The following IQCH variants were observed in gnomAD, a reference collection of about 807,000 sequenced individuals.
IQCH encodes the protein IQ domain-containing protein H.
A neutral mutation model predicts 117.0 loss-of-function variants in IQCH; 98 were observed. The observed-to-expected ratio is 0.84, with a 90% CI of 0.71 to 0.99. The LOEUF is 0.99. Among genes scored for constraint, IQCH ranks in the 50% least tolerant of loss-of-function variants. IQCH has a pLI of 0.00. For missense variants in IQCH, 1,102 were observed against 1,243.8 expected, an observed-to-expected ratio of 0.89 and a Z score of 1.72; for synonymous variants, 412 against 448.2, an observed-to-expected ratio of 0.92 and a Z score of 1.02.
intron 16 of IQCH, among the ~76,000 whole-genome samples, chr15:67,438,704 G>A (rs1288592594): frequency 6.6e-6 from 1 of 152,108 alleles, no homozygotes; most frequent in Non-Finnish European, 1.5e-5. Context: ...AACTTAAAGG[G>A]GTGAAAAAAG....
rs1970709280 is a variant in IQCH, at chr15:67,375,600, TTTG to T, written c.1372+2170_1372+2172del. 4.6e-5 allele frequency among the ~76,000 whole-genome samples: 7 copies of T among 152,236 alleles called. 1 individual carries two copies. The South Asian group carries it at 6.2e-4, about 14-fold the overall frequency. ...GTCTTCCCTAATGTAGCAATTTTTG[TTTG>T]TTAACAACATGATACCCATTTTAAA... On this transcript the variant is annotated intron_variant, in intron 10 of 20. Coordinates refer to ENST00000335894, the MANE Select transcript of IQCH (RefSeq NM_001031715.3).
chr15:67,420,021 A>T (rs2081690240), intron 15 of IQCH, among the ~76,000 whole-genome samples: 1 of 152,176 alleles, frequency 6.6e-6, no homozygotes, highest in African/African-American at 2.4e-5. Context: ...ACTTCTGTAG[A>T]TTTTTGTCAT....
At chr15:67,414,543 GTTGAGGAGTTTGGACTT>G (rs2081527165) in intron 14 of IQCH, among the ~76,000 whole-genome samples, 1 of 151,938 alleles carries the variant, frequency 6.6e-6, no homozygotes, top group Non-Finnish European at 1.5e-5. Context: ...CATCTGTCAT[GTTGAGGAGTTTGGACTT>G]GATCCTCAAG....
chr15:67,268,910 AAAAC>A (rs1011486007), intron 3 of IQCH, among the ~76,000 whole-genome samples: 15 of 149,222 alleles, frequency 1.0e-4, no homozygotes, highest in South Asian at 2.1e-4. Context: ...TTAAAACAAA[AAAAC>A]AAACTTTTAA....
rs1323339781 is a variant in IQCH, at chr15:67,500,655, CTA to C, written c.2995_2996del (p.Ile999SerfsTer12). 8.2e-6 allele frequency: 13 copies of C among 1,582,630 alleles called. No homozygotes were observed. The Admixed American group carries it at 2.2e-4, about 27-fold the overall frequency. On this transcript the variant is annotated frameshift_variant, in exon 21 of 21. Transcript: ENST00000335894. LOFTEE classifies it low-confidence loss of function (END_TRUNC). The surrounding 1 kb of genome is among the most constrained non-coding windows in gnomAD (Gnocchi z 4.4). The stretch of plus-strand genomic sequence containing the variant: ...CAGACCACCATTGCTGATATTGAAA[CTA>C]TTCTAAGAGTAACAAAGGAAAACAA...
chr15:67,272,378 AT>A (rs1316690872), intron 3 of IQCH, among the ~76,000 whole-genome samples: 1 of 152,200 alleles, frequency 6.6e-6, no homozygotes, highest in Non-Finnish European at 1.5e-5. Flanking sequence ...CCATGTGCTG[AT>A]AAAAAAGAAT....
At chr15:67,325,968 CTTT>C (rs760121473) in intron 4 of IQCH, among the ~76,000 whole-genome samples, 18 of 151,998 alleles carry the variant, frequency 1.2e-4, no homozygotes, top group African/African-American at 3.9e-4. Context: ...TTACATTAAT[CTTT>C]TTTTTATTAT....
intron 4 of IQCH, among the ~76,000 whole-genome samples, chr15:67,309,374 C>T (rs1209995847): frequency 1.3e-5 from 2 of 152,020 alleles, no homozygotes; most frequent in African/African-American, 4.8e-5. Context: ...GCTTTCTTTC[C>T]CACACAGATA....
In IQCH at chr15:67,384,989, A is replaced by C. The variant is rs747299981; in HGVS notation, c.1426A>C (p.Met476Leu). 1.7e-5 allele frequency: 27 copies of C among 1,612,002 alleles called. 1 individual carries two copies. In the South Asian group the frequency reaches 3.0e-4, roughly 18 times the overall value. The change falls in exon 11 of 21, where the codon ATG (methionine) becomes CTG (leucine). Residue 476 changes from methionine to leucine, a missense_variant. Coordinates refer to ENST00000335894, the MANE Select transcript of IQCH (RefSeq NM_001031715.3). The surrounding 1 kb of genome is among the most constrained non-coding windows in gnomAD (Gnocchi z 4.3). ...HIADFNTQQN[M>L]QLGRLCDILD... ...TGCCGATTTCAACACACAGCAGAAC[A>C]TGCAGCTGGGGAGGCTGTGTGACAT...
intron 16 of IQCH, among the ~76,000 whole-genome samples, chr15:67,452,200 A>T (rs2082544314): frequency 6.6e-6 from 1 of 152,174 alleles, no homozygotes; most frequent in Non-Finnish European, 1.5e-5. Context: ...TGTGTCTTTT[A>T]ATTGGAGCAT....
chr15:67,486,145 C>A (rs188154844), intron 18 of IQCH, among the ~76,000 whole-genome samples: 19 of 151,238 alleles, frequency 1.3e-4, no homozygotes, highest in African/African-American at 4.6e-4. Flanking sequence ...ATTCTCCTAC[C>A]TCAGCCTCCT....
chr15:67,289,328 A>C (rs1256786002), intron 4 of IQCH, among the ~76,000 whole-genome samples: 1 of 152,156 alleles, frequency 6.6e-6, no homozygotes, highest in African/African-American at 2.4e-5. Context: ...GAACTTCATC[A>C]ACCAATTTGT....
At chr15:67,350,852 CTTTTAGAAAGAA>C (rs953838704) in intron 6 of IQCH, among the ~76,000 whole-genome samples, 8 of 152,082 alleles carry the variant, frequency 5.3e-5, no homozygotes, top group African/African-American at 1.9e-4. Context: ...GTAAGTCTGA[CTTTTAGAAAGAA>C]TAATGGGGGA....
chr15:67,351,889 A>G (rs893793224), intron 6 of IQCH, among the ~76,000 whole-genome samples: 3 of 152,108 alleles, frequency 2.0e-5, no homozygotes, highest in Non-Finnish European at 2.9e-5. Context: ...TATAAATAGT[A>G]TATAGCTGAA....
chr15:67,357,070 T>C (rs1289650982), intron 6 of IQCH, among the ~76,000 whole-genome samples: 5 of 152,228 alleles, frequency 3.3e-5, no homozygotes, highest in Non-Finnish European at 5.9e-5. Flanking sequence ...GCTTTTAAAA[T>C]GTGCCTGCTT....
intron 4 of IQCH, chr15:67,304,347 A>G: frequency 2.0e-6 from 3 of 1,508,828 alleles, no homozygotes; most frequent in Non-Finnish European, 2.7e-6. Context: ...AGCGAAAGAT[A>G]GGGTTGAATG....
chr15:67,302,988 G>A (rs887304331), intron 4 of IQCH, among the ~76,000 whole-genome samples: 1 of 152,142 alleles, frequency 6.6e-6, no homozygotes, highest in Non-Finnish European at 1.5e-5. Flanking sequence ...TATTTTTGTA[G>A]CCTTCTTCAC....
chr15:67,429,737 A>C (rs1262394121), intron 16 of IQCH, among the ~76,000 whole-genome samples: 1 of 152,194 alleles, frequency 6.6e-6, no homozygotes, highest in Non-Finnish European at 1.5e-5. Flanking sequence ...GCTGGGCCCC[A>C]TAATTTACCA....
rs1382903868 is a variant in IQCH, at chr15:67,431,112, T to C, written c.2505+9535T>C. On this transcript the variant is annotated intron_variant, in intron 16 of 20. Transcript: ENST00000335894. The surrounding 1 kb of genome is among the most constrained non-coding windows in gnomAD (Gnocchi z 4.8). ...AACAGGCTCACTTGGTGGGAAAGAGTGGTGGGAAAAAGCACAGAACACATA... is the reference window on the plus strand; with the variant it reads ...AACAGGCTCACTTGGTGGGAAAGAGCGGTGGGAAAAAGCACAGAACACATA... 6.6e-6 allele frequency among the ~76,000 whole-genome samples: 1 copy of C among 151,362 alleles called. No homozygotes were observed. Among genetic ancestry groups the C allele is most frequent in the African/African-American group, 2.4e-5 (1 of 41,132 alleles).
Sources: gnomAD v4.1 joint callset for allele counts (sites outside exome capture counted in the v4.1 genomes callset) on GRCh38, gnomAD v4.1.1 for gene constraint, Gnocchi (gnomAD v3.1) non-coding constraint, MANE v1.5 for transcripts, NCBI Gene and HGNC (gene_info 2026-07-23, HGNC 2026-07-21) for gene names.